The following DENND2A variants were observed in gnomAD, a reference collection of about 807,000 sequenced individuals.
DENND2A encodes the protein DENN domain-containing protein 2A.
A neutral mutation model predicts 105.3 loss-of-function variants in DENND2A; 53 were observed. The observed-to-expected ratio is 0.50, with a 90% CI of 0.40 to 0.63. The LOEUF (loss-of-function observed/expected upper bound fraction) is 0.63, where lower values mean the gene tolerates loss of function less well. Ranked by LOEUF, DENND2A falls within the 30% of genes least tolerant of loss-of-function variation. The pLI is 0.00. For missense variants in DENND2A, 1,138 were observed against 1,279.6 expected (o/e 0.89, Z 1.69); for synonymous variants, 522 against 508.4 (o/e 1.03, Z -0.36).
chr7:140,577,447 G>A (rs1391201377), intron 5 of DENND2A, among the ~76,000 whole-genome samples: 4 of 151,496 alleles, frequency 2.6e-5, no homozygotes, highest in Non-Finnish European at 4.4e-5. Context: ...GCCCAGGCTG[G>A]AGTGCAGTGG....
intron 1 of DENND2A, among the ~76,000 whole-genome samples, chr7:140,637,104 C>T (rs1024317226): frequency 6.6e-6 from 1 of 152,082 alleles, no homozygotes; most frequent in South Asian, 2.1e-4. Flanking sequence ...CCTGCCTCGG[C>T]CTCCCAAAGC....
intron 1 of DENND2A, among the ~76,000 whole-genome samples, chr7:140,607,104 G>A (rs941730681): frequency 8.5e-5 from 13 of 152,146 alleles, no homozygotes; most frequent in African/African-American, 2.4e-4. Flanking sequence ...GGGTATTTAC[G>A]TTACGTTTCC....
intron 5 of DENND2A, among the ~76,000 whole-genome samples, chr7:140,584,428 C>T (rs1798689076): frequency 6.6e-6 from 1 of 152,112 alleles, no homozygotes; most frequent in Non-Finnish European, 1.5e-5. Flanking sequence ...TGCGCATGTC[C>T]CAGGCCTGCA....
At chr7:140,639,843 CATG>C (rs1182703826) in intron 1 of DENND2A, among the ~76,000 whole-genome samples, 1 of 152,188 alleles carries the variant, frequency 6.6e-6, no homozygotes, top group Non-Finnish European at 1.5e-5. Flanking sequence ...CCAGGCCCCC[CATG>C]ACAAGATTCC....
At chr7:140,623,184 G>A (rs969478147) in intron 1 of DENND2A, among the ~76,000 whole-genome samples, 6 of 151,286 alleles carry the variant, frequency 4.0e-5, no homozygotes, top group South Asian at 2.1e-4. Context: ...GTGTGGTGGC[G>A]GGTGCCTACA....
At chr7:140,551,641 A>G (rs1431512903) in intron 12 of DENND2A, among the ~76,000 whole-genome samples, 1 of 152,134 alleles carries the variant, frequency 6.6e-6, no homozygotes, top group East Asian at 1.9e-4. Context: ...GGGAGAACAA[A>G]TGATTGAATC....
chr7:140,621,325 A>G (rs188131051), intron 1 of DENND2A, among the ~76,000 whole-genome samples: 148 of 152,176 alleles, frequency 9.7e-4, no homozygotes, highest in African/African-American at 3.3e-3. Context: ...GTGAGCCACC[A>G]CCAGGCCTGG....
chr7:140,608,063 A>G (rs952394451), intron 1 of DENND2A, among the ~76,000 whole-genome samples: 1 of 152,212 alleles, frequency 6.6e-6, no homozygotes, highest in Non-Finnish European at 1.5e-5. Flanking sequence ...AAAAAAGGCC[A>G]CTGTGTCGAA....
intron 12 of DENND2A, among the ~76,000 whole-genome samples, chr7:140,547,840 C>A (rs959201709): frequency 8.5e-5 from 13 of 152,130 alleles, no homozygotes; most frequent in Non-Finnish European, 2.9e-5. Flanking sequence ...TTGGATGACT[C>A]TTGAAAACAT....
chr7:140,568,276 G>A (rs988725130), intron 8 of DENND2A, among the ~76,000 whole-genome samples: 1 of 152,162 alleles, frequency 6.6e-6, no homozygotes, highest in Non-Finnish European at 1.5e-5. Context: ...CCTGGGGTCT[G>A]AAAAATTGCA....
In DENND2A at chr7:140,518,647, A is replaced by C. The variant is rs73735368; in HGVS notation, c.*60T>G. On this transcript the variant is annotated 3_prime_UTR_variant, in exon 20 of 20. Transcript: ENST00000496613. ...GACCCAGCCTTTCAGAAAGGCCACC[A>C]GGAACTGTTTTTAAAGCATAGGGCT... 1.9e-6 allele frequency: 3 copies of C among 1,564,998 alleles called. No individual in the cohort carries two copies. In the African/African-American group the frequency reaches 4.1e-5, roughly 21 times the overall value.
intron 2 of DENND2A, among the ~76,000 whole-genome samples, chr7:140,605,297 G>C (rs78700417): frequency 0.012 from 1,813 of 152,310 alleles, 34 homozygotes; most frequent in African/African-American, 0.041. Context: ...GAGGATCAGA[G>C]AAAGGGCTCC....
intron 1 of DENND2A, among the ~76,000 whole-genome samples, chr7:140,639,272 A>G (rs1241165931): frequency 6.7e-6 from 1 of 149,070 alleles, no homozygotes; most frequent in Non-Finnish European, 1.5e-5. Flanking sequence ...GAATTGCTTG[A>G]ACTCCGGGGG....
chr7:140,550,297 A>G (rs1164238937), intron 12 of DENND2A, among the ~76,000 whole-genome samples: 1 of 152,014 alleles, frequency 6.6e-6, no homozygotes, highest in South Asian at 2.1e-4. Flanking sequence ...GGTTCAAACG[A>G]TTCTCCTGCC....
Position 140,601,786 on chromosome 7 carries a change from G to T in DENND2A, c.612C>A (p.Asn204Lys). 6.2e-7 allele frequency: 1 copy of T among 1,614,086 alleles called. No homozygotes were observed. ...CTTCTGAGCCACTCCCGCCTCCCAG[G>T]TTCTCAGGAAGGGTGGACCCTGCCT... ...KAEAGSTLPE[N>K]LGGGSGSEVS... The change falls in exon 3 of 20, where the codon AAC becomes AAA. Residue 204 changes from asparagine (N) to lysine (K), a missense_variant. Coordinates refer to ENST00000496613, the MANE Select transcript of DENND2A (RefSeq NM_015689.5).
At chr7:140,575,116 C>T (rs1860841) in intron 5 of DENND2A, among the ~76,000 whole-genome samples, 79,881 of 151,846 alleles carry the variant, frequency 0.53, 23,721 homozygotes, top group African/African-American at 0.81. Flanking sequence ...CTCATTTTCC[C>T]AAAATACGCT....
In DENND2A at chr7:140,546,653, G is replaced by A. The variant is rs568281860; in HGVS notation, c.2178+146C>T. On this transcript the variant is annotated intron_variant, in intron 13 of 19. Coordinates refer to ENST00000496613, the MANE Select transcript of DENND2A (RefSeq NM_015689.5). ...TGGATGGATTGAGGGTGGAACTCAT[G>A]ATGAGTGATCTGGGCCAGCTCTAGG... is the stretch of plus-strand genomic sequence containing the variant. The A allele has an allele frequency of 2.2e-5, 23 of 1,046,896 alleles. 1 individual carries two copies. In the South Asian group the frequency reaches 3.5e-4, roughly 16 times the overall value. 64.9% of individuals were successfully genotyped at this position (1,046,896 alleles called of 1,614,324 possible).
At chr7:140,581,874 C>T (rs550365685) in intron 5 of DENND2A, among the ~76,000 whole-genome samples, 1 of 152,272 alleles carries the variant, frequency 6.6e-6, no homozygotes, top group South Asian at 2.1e-4. Context: ...TTTCTCCAGC[C>T]CAGCAGTGAC....
chr7:140,553,704 C>A (rs74700036), intron 12 of DENND2A, among the ~76,000 whole-genome samples: 2 of 152,194 alleles, frequency 1.3e-5, no homozygotes, highest in South Asian at 2.1e-4. Context: ...TGACTCTTAA[C>A]GAGCATGCTG....
Sources: gnomAD v4.1 joint callset for allele counts (sites outside exome capture counted in the v4.1 genomes callset) on GRCh38, gnomAD v4.1.1 for gene constraint, MANE v1.5 for transcripts, NCBI Gene and HGNC (gene_info 2026-07-23, HGNC 2026-07-21) for gene names.